Variants in ZNF518A observed in about 807,000 individuals in gnomAD.
The protein encoded by ZNF518A is zinc finger protein 518.
Under a neutral mutation model 102.7 loss-of-function variants are expected in ZNF518A, and 47 were observed. That is an observed-to-expected ratio of 0.46 (90% CI 0.36 to 0.58). The LOEUF (loss-of-function observed/expected upper bound fraction) is 0.58, where lower values mean the gene tolerates loss of function less well. Ranked by LOEUF, ZNF518A falls within the 20% of genes least tolerant of loss-of-function variation. ZNF518A has a pLI of 0.00. For synonymous variants in ZNF518A, 652 were observed against 594.6 expected, an observed-to-expected ratio of 1.10 and a Z score of -1.40; for missense variants, 1,793 against 1,699.8, an observed-to-expected ratio of 1.05 and a Z score of -0.96.
chr10:96,202,024 C>G (rs587725977), intron 1 of ZNF518A, among the ~76,000 whole-genome samples: 1 of 152,028 alleles, frequency 6.6e-6, no homozygotes, highest in East Asian at 1.9e-4. Flanking sequence ...AAGAATGTCC[C>G]GGGTAGAGGG....
chr10:96,148,940 C>A (rs2082301189), intron 3 of ZNF518A, among the ~76,000 whole-genome samples: 1 of 152,206 alleles, frequency 6.6e-6, no homozygotes, highest in Non-Finnish European at 1.5e-5. Context: ...TGGTCTTGAT[C>A]TCCTGACCTG....
At chr10:96,131,923 T>A (rs1425265456) in intron 1 of ZNF518A, among the ~76,000 whole-genome samples, 1 of 152,134 alleles carries the variant, frequency 6.6e-6, no homozygotes, top group Non-Finnish European at 1.5e-5. Flanking sequence ...TTAAGTGTAT[T>A]TTTGTTGTTT....
intron 1 of ZNF518A, among the ~76,000 whole-genome samples, chr10:96,194,840 G>T (rs1200542471): frequency 7.0e-6 from 1 of 142,248 alleles, no homozygotes; most frequent in Admixed American, 7.5e-5. Context: ...GCGCGATCTC[G>T]ACTCACTGCA....
intron 1 of ZNF518A, among the ~76,000 whole-genome samples, chr10:96,191,093 T>C (rs782528031): frequency 2.0e-5 from 3 of 152,072 alleles, no homozygotes; most frequent in Admixed American, 2.0e-4. Flanking sequence ...TCTCATGAGA[T>C]CTGATGGTTT....
intron 3 of ZNF518A, among the ~76,000 whole-genome samples, chr10:96,145,306 G>A (rs1409435697): frequency 6.6e-6 from 1 of 152,148 alleles, no homozygotes; most frequent in East Asian, 1.9e-4. Flanking sequence ...CTGACCTCAG[G>A]TGATCCTCCC....
At chr10:96,167,329 C>T (rs1265968122), downstream of ZNF518A, among the ~76,000 whole-genome samples, 2 of 152,136 alleles carry the variant, frequency 1.3e-5, no homozygotes, top group East Asian at 1.9e-4. Context: ...TGGTGGGCGC[C>T]TGTAGTCCCA....
At chr10:96,149,610 G>A (rs184397057) in intron 3 of ZNF518A, among the ~76,000 whole-genome samples, 10 of 152,212 alleles carry the variant, frequency 6.6e-5, no homozygotes, top group Middle Eastern at 3.4e-3. Context: ...CTTAGGCCTC[G>A]TAAAGATTCA....
intron 3 of ZNF518A, among the ~76,000 whole-genome samples, chr10:96,155,076 A>G (rs1432475960): frequency 6.6e-6 from 1 of 152,004 alleles, no homozygotes; most frequent in Non-Finnish European, 1.5e-5. Context: ...TATAAAGCAC[A>G]AAATTAAAAA....
chr10:96,204,167 C>A, downstream of ZNF518A: 1 of 1,426,970 alleles, frequency 7.0e-7, no homozygotes. Flanking sequence ...ACTGATGATG[C>A]TGTGAACAGG....
intron 1 of ZNF518A, among the ~76,000 whole-genome samples, chr10:96,178,224 A>C (rs2083217367): frequency 1.3e-5 from 2 of 152,114 alleles, no homozygotes. Context: ...AAGTTTCAAT[A>C]AATTTAAAAG....
In ZNF518A at chr10:96,162,504, T is replaced by G. The variant is rs1426472839; in HGVS notation, c.*1730T>G. On this transcript the variant is annotated 3_prime_UTR_variant, in exon 6 of 6. Transcript: ENST00000316045. ...AAGCCATACATAGAATGCTTCAAGC[T>G]ATCTTGCTATGCACATTATACTTGT... is the stretch of plus-strand genomic sequence containing the variant. The G allele has an allele frequency of 6.0e-6, 1 of 166,958 alleles. No homozygotes were observed. Among genetic ancestry groups the G allele is most frequent in the African/African-American group, 2.4e-5 (1 of 41,462 alleles). 10.3% of individuals were successfully genotyped at this position (166,958 alleles called of 1,614,324 possible).
chr10:96,129,925 T>C (rs1162337134), upstream of ZNF518A: 1 of 152,732 alleles, frequency 6.5e-6, no homozygotes, highest in South Asian at 2.1e-4. Context: ...CGAACCCAGC[T>C]CCATGGCCTA....
downstream of ZNF518A, among the ~76,000 whole-genome samples, chr10:96,165,295 A>T (rs1021435475): frequency 6.6e-6 from 1 of 152,106 alleles, no homozygotes; most frequent in Admixed American, 6.5e-5. Context: ...TTTAGTAGCG[A>T]TGGGGTTTCA....
chr10:96,147,603 G>T (rs1255633604), intron 3 of ZNF518A, among the ~76,000 whole-genome samples: 1 of 152,064 alleles, frequency 6.6e-6, no homozygotes, highest in African/African-American at 2.4e-5. Flanking sequence ...TAGAATTCTC[G>T]GTTGAAAGCT....
chr10:96,137,886 A>T (rs1408010879), intron 3 of ZNF518A, among the ~76,000 whole-genome samples: 1 of 152,096 alleles, frequency 6.6e-6, no homozygotes, highest in Non-Finnish European at 1.5e-5. Flanking sequence ...TGTCAAATAG[A>T]CATCTCAGAT....
chr10:96,201,205 AGGACCCCT>A, intron 1 of ZNF518A: 1 of 716,580 alleles, frequency 1.4e-6, no homozygotes, highest in Non-Finnish European at 2.4e-6. Context: ...GTGTGGTCCA[AGGACCCCT>A]GGAAATCTCG....
At chr10:96,133,148 T>C (rs1764305) in intron 2 of ZNF518A, among the ~76,000 whole-genome samples, 46,595 of 152,058 alleles carry the variant, frequency 0.31, 8,251 homozygotes, top group East Asian at 0.66. Context: ...AATCCAAATA[T>C]AACTTTAACT....
intron 3 of ZNF518A, among the ~76,000 whole-genome samples, chr10:96,142,308 GTGTGT>G (rs1564748354): frequency 0.08 from 7,502 of 94,270 alleles, 601 homozygotes; most frequent in East Asian, 0.45. Flanking sequence ...TTCTTAGGGT[GTGTGT>G]GTGTGTGTGT....
chr10:96,156,613 A>G lies in ZNF518A; in HGVS notation c.291A>G (p.Thr97=), dbSNP rs1423728371. Residue 97 remains threonine (T), a synonymous_variant, in exon 6 of 6, where the codon ACA becomes ACG. Transcript: ENST00000316045. The part of the protein sequence containing the change: ...IKTVSCVEEC[T]LLHKSERAEE... ...CTGTAAGCTGTGTAGAGGAGTGTAC[A>G]TTGCTTCATAAGTCTGAGAGAGCTG... The G allele has an allele frequency of 6.2e-7, 1 of 1,613,738 alleles. No homozygotes were observed. Among genetic ancestry groups the G allele is most frequent in the Non-Finnish European group, 8.5e-7 (1 of 1,179,804 alleles).
Sources: allele counts gnomAD v4.1 joint callset (sites outside exome capture counted in the v4.1 genomes callset), GRCh38; gene constraint gnomAD v4.1.1; transcripts MANE v1.5; gene names NCBI Gene and HGNC (gene_info 2026-07-23, HGNC 2026-07-21).